GNA14: variants seen among roughly 807,000 people sequenced by gnomAD.
The protein encoded by GNA14 is guanine nucleotide-binding protein subunit alpha-14.
Under a neutral mutation model 42.0 loss-of-function variants are expected in GNA14, and 50 were observed. That is an observed-to-expected ratio of 1.19 (90% CI 0.95 to 1.51). The LOEUF is 1.51. Ranked by LOEUF, GNA14 falls within the 40% of genes most tolerant of loss-of-function variation. The probability of loss-of-function intolerance (pLI) is 0.00; values close to 1 mark genes in which losing one functional copy is unlikely to be tolerated. For synonymous variants in GNA14, 173 were observed against 163.1 expected (o/e 1.06, Z -0.46); for missense variants, 473 against 446.2 (o/e 1.06, Z -0.54).
At chr9:77,624,107 G>A (rs1354920553) in intron 1 of GNA14, among the ~76,000 whole-genome samples, 1 of 152,170 alleles carries the variant, frequency 6.6e-6, no homozygotes, top group Non-Finnish European at 1.5e-5. Flanking sequence ...CCATTACTGA[G>A]GTTTGAGTAG....
intron 2 of GNA14, among the ~76,000 whole-genome samples, chr9:77,478,191 C>G (rs1836468621): frequency 6.7e-6 from 1 of 150,024 alleles, no homozygotes; most frequent in African/African-American, 2.5e-5. Context: ...CCCCACCCCA[C>G]AACAGTCCCC....
rs1183075340 is a variant in GNA14, at chr9:77,493,002, GGAAAAAAAAAA to G, written c.309+36056_309+36066del. On this transcript the variant is annotated intron_variant, in intron 2 of 6. Transcript: ENST00000341700. The stretch of plus-strand genomic sequence containing the variant: ...GGTGACAGAGCAAGACTCCGTCTCA[GGAAAAAAAAAA>G]AAAAAAAAAAAAAATATATATATAT... Among the ~76,000 whole-genome samples, 15 of 68,144 alleles carry G rather than the reference GGAAAAAAAAAA, an allele frequency of 2.2e-4. No individual in the cohort carries two copies. In the South Asian group the frequency reaches 2.4e-3, roughly 11 times the overall value. 44.7% of individuals were successfully genotyped at this position (68,144 alleles called of 152,430 possible).
chr9:77,503,924 C>T (rs1837017371), intron 2 of GNA14, among the ~76,000 whole-genome samples: 1 of 152,122 alleles, frequency 6.6e-6, no homozygotes, highest in Non-Finnish European at 1.5e-5. Context: ...TCAAGTGATC[C>T]ACCTGCCTCA....
At chr9:77,494,769 GGTTTTTGTTTTGTTTT>G (rs1836843947) in intron 2 of GNA14, among the ~76,000 whole-genome samples, 1 of 119,292 alleles carries the variant, frequency 8.4e-6, no homozygotes, top group Non-Finnish European at 1.7e-5. Context: ...AGAGTTGTGG[GGTTTTTGTTTTGTTTT>G]GTTTTGTTTT....
intron 1 of GNA14, among the ~76,000 whole-genome samples, chr9:77,537,645 A>C (rs1837613999): frequency 6.6e-6 from 1 of 152,170 alleles, no homozygotes; most frequent in South Asian, 2.1e-4. Flanking sequence ...GAGTTGTTGG[A>C]GAATTCTCCA....
At position 77,553,674 on chromosome 9, in the gene GNA14, C is replaced by G. The variant is rs1837812147; in HGVS notation, c.125-24421G>C. On this transcript the variant is annotated intron_variant, in intron 1 of 6. Transcript: ENST00000341700. Reference sequence around the variant, plus strand: ...TAATGGGCATATGAGAAAACAGACACCCATTCCCACTTATTTGTGTGCACA... The same window carrying G: ...TAATGGGCATATGAGAAAACAGACAGCCATTCCCACTTATTTGTGTGCACA... 2.0e-5 allele frequency among the ~76,000 whole-genome samples: 3 copies of G among 152,110 alleles called. No homozygotes were observed. The East Asian group carries it at 5.9e-4, about 30-fold the overall frequency.
At chr9:77,514,674 T>C (rs925592982) in intron 2 of GNA14, among the ~76,000 whole-genome samples, 48 of 149,450 alleles carry the variant, frequency 3.2e-4, no homozygotes, top group African/African-American at 9.4e-4. Flanking sequence ...AGTGCAGTGG[T>C]GCGATCTCGG....
At chr9:77,503,084 C>T (rs1587803797) in intron 2 of GNA14, among the ~76,000 whole-genome samples, 1 of 152,282 alleles carries the variant, frequency 6.6e-6, no homozygotes, top group South Asian at 2.1e-4. Flanking sequence ...TTATTCTTTC[C>T]ACCCTTCAGA....
chr9:77,597,925 G>C (rs776049767), intron 1 of GNA14, among the ~76,000 whole-genome samples: 1 of 152,042 alleles, frequency 6.6e-6, no homozygotes, highest in African/African-American at 2.4e-5. Flanking sequence ...TTAGCTGGGC[G>C]TGGTGGTGCA....
chr9:77,452,168 G>A (rs991399530), intron 2 of GNA14, among the ~76,000 whole-genome samples: 2 of 152,132 alleles, frequency 1.3e-5, no homozygotes, highest in African/African-American at 2.4e-5. Flanking sequence ...TGAGATAGAC[G>A]TGTAGCCAAG....
chr9:77,638,428 C>A (rs1168419885), intron 1 of GNA14, among the ~76,000 whole-genome samples: 1 of 152,108 alleles, frequency 6.6e-6, no homozygotes, highest in East Asian at 1.9e-4. Context: ...TCTGGAAAGG[C>A]CTTGTCAAGA....
intron 2 of GNA14, among the ~76,000 whole-genome samples, chr9:77,484,898 A>G (rs1303795791): frequency 6.6e-6 from 1 of 152,148 alleles, no homozygotes; most frequent in Non-Finnish European, 1.5e-5. Context: ...CCTTACTTGA[A>G]AAATATTTTA....
chr9:77,477,380 A>G (rs1836450246), intron 2 of GNA14, among the ~76,000 whole-genome samples: 1 of 152,078 alleles, frequency 6.6e-6, no homozygotes, highest in African/African-American at 2.4e-5. Flanking sequence ...AAGAAAACAG[A>G]TATGTTAAGT....
chr9:77,563,878 G>T (rs1822923802), intron 1 of GNA14, among the ~76,000 whole-genome samples: 1 of 152,136 alleles, frequency 6.6e-6, no homozygotes, highest in African/African-American at 2.4e-5. Flanking sequence ...ATGTTTGTTT[G>T]TCAGAGTTTA....
chr9:77,611,896 G>C (rs949558270), intron 1 of GNA14, among the ~76,000 whole-genome samples: 1 of 152,100 alleles, frequency 6.6e-6, no homozygotes, highest in Non-Finnish European at 1.5e-5. Context: ...TACACTCTGA[G>C]TGCTCTCATG....
intron 1 of GNA14, among the ~76,000 whole-genome samples, chr9:77,602,397 A>G (rs1239023974): frequency 6.6e-6 from 1 of 152,224 alleles, no homozygotes; most frequent in East Asian, 1.9e-4. Flanking sequence ...AAATGCAACT[A>G]CCAATGGGTT....
chr9:77,515,960 C>CAAAAAAAAAAAAAA (rs1158448237), intron 2 of GNA14, among the ~76,000 whole-genome samples: 1,409 of 52,658 alleles, frequency 0.027, 240 homozygotes, highest in East Asian at 0.041. Flanking sequence ...CCCTGTCTCA[C>CAAAAAAAAAAAAAA]AAAAAAAAAA....
At chr9:77,487,993 C>G (rs912332312) in intron 2 of GNA14, among the ~76,000 whole-genome samples, 1 of 151,806 alleles carries the variant, frequency 6.6e-6, no homozygotes, top group Non-Finnish European at 1.5e-5. Flanking sequence ...GATACCAGGA[C>G]CATCATCTAA....
intron 2 of GNA14, among the ~76,000 whole-genome samples, chr9:77,520,782 T>C (rs75546552): frequency 0.014 from 2,167 of 152,326 alleles, 63 homozygotes; most frequent in African/African-American, 0.049. Flanking sequence ...CACTAGTTTC[T>C]GGATTGTTTG....
Sources: gnomAD v4.1 joint callset for allele counts (sites outside exome capture counted in the v4.1 genomes callset) on GRCh38, gnomAD v4.1.1 for gene constraint, MANE v1.5 for transcripts, NCBI Gene and HGNC (gene_info 2026-07-23, HGNC 2026-07-21) for gene names.